GATAD2B: variants seen among roughly 807,000 people sequenced by gnomAD.
GATAD2B encodes transcriptional repressor p66-beta.
A neutral mutation model predicts 64.3 loss-of-function variants in GATAD2B; 8 were observed. That is an observed-to-expected ratio of 0.12 (90% CI 0.07 to 0.22). GATAD2B has a LOEUF of 0.22. Ranked by LOEUF, GATAD2B falls within the 10% of genes least tolerant of loss-of-function variation. The pLI is 1.00. For synonymous variants in GATAD2B, 281 were observed against 271.3 expected, an observed-to-expected ratio of 1.04 and a Z score of -0.35; for missense variants, 453 against 752.0, an observed-to-expected ratio of 0.60 and a Z score of 4.65.
chr1:153,884,774 T>A (rs1677126461), intron 1 of GATAD2B, among the ~76,000 whole-genome samples: 1 of 152,144 alleles, frequency 6.6e-6, no homozygotes, highest in African/African-American at 2.4e-5. Flanking sequence ...TATTTCTTTT[T>A]TTCGAGACAG....
chr1:153,885,820 G>A (rs1352194615), intron 1 of GATAD2B, among the ~76,000 whole-genome samples: 7 of 144,350 alleles, frequency 4.8e-5, no homozygotes, highest in Non-Finnish European at 8.9e-5. Context: ...CCAAGACGGC[G>A]CCACTGCTCT....
At chr1:153,854,413 C>G (rs893819818) in intron 1 of GATAD2B, among the ~76,000 whole-genome samples, 1 of 151,968 alleles carries the variant, frequency 6.6e-6, no homozygotes, top group Non-Finnish European at 1.5e-5. Context: ...AAAAAACAAA[C>G]AAACAAACAA....
intron 1 of GATAD2B, among the ~76,000 whole-genome samples, chr1:153,859,394 G>A (rs1405839940): frequency 4.0e-5 from 6 of 149,972 alleles, no homozygotes; most frequent in African/African-American, 1.5e-4. Flanking sequence ...GCAAGGCGAG[G>A]CGAGGCGGCT....
chr1:153,878,620 T>C (rs1298720199), intron 1 of GATAD2B, among the ~76,000 whole-genome samples: 1 of 152,120 alleles, frequency 6.6e-6, no homozygotes, highest in East Asian at 1.9e-4. Context: ...TCCTCTAGAC[T>C]GCAACCTGAT....
At chr1:153,843,747 T>G (rs1326210573) in intron 1 of GATAD2B, among the ~76,000 whole-genome samples, 1 of 149,480 alleles carries the variant, frequency 6.7e-6, no homozygotes, top group African/African-American at 2.5e-5. Context: ...AATTTCCACT[T>G]CTGGTCAAGA....
Position 153,921,287 on chromosome 1 carries a change from G to A in GATAD2B, c.-2+1446C>T, listed in dbSNP as rs1473450551. ...ATCAAAGTCATCTGTGCTAGGAGGG[G>A]AAGGAGACTAGATGGCTGGAGGACA... On this transcript the variant is annotated intron_variant, in intron 1 of 10. Coordinates refer to ENST00000368655, the MANE Select transcript of GATAD2B (RefSeq NM_020699.4). Among the ~76,000 whole-genome samples the A allele has an allele frequency of 2.6e-5, 4 of 152,334 alleles. No individual in the cohort carries two copies. In the South Asian group the frequency reaches 8.3e-4, roughly 32 times the overall value.
At chr1:153,860,973 G>A (rs1195376561) in intron 1 of GATAD2B, among the ~76,000 whole-genome samples, 1 of 152,100 alleles carries the variant, frequency 6.6e-6, no homozygotes, top group East Asian at 1.9e-4. Context: ...GTATATAACA[G>A]GCACTCAAAA....
chr1:153,827,997 C>T lies in GATAD2B; in HGVS notation c.335+16G>A, dbSNP rs1168394274. On this transcript the variant is annotated intron_variant, in intron 2 of 10. Transcript: ENST00000368655. ...GAGACGACCCTATCCCTGGAGGCAGCTGAACTGAGCCATACCTCCGTCTAG... is the reference window on the plus strand; with the variant it reads ...GAGACGACCCTATCCCTGGAGGCAGTTGAACTGAGCCATACCTCCGTCTAG... 1 of 1,597,090 alleles carries T rather than the reference C, an allele frequency of 6.3e-7. No homozygotes were observed. The highest frequency in any genetic ancestry group is 1.3e-5 in the African/African-American group (1 of 74,708).
chr1:153,827,962 CA>C (rs1227362447), intron 2 of GATAD2B, 50 bp downstream of exon 2: 2 of 1,312,880 alleles, frequency 1.5e-6, no homozygotes, highest in African/African-American at 2.9e-5. Context: ...TCCATTTTCA[CA>C]GGCTTTATGA....
intron 1 of GATAD2B, among the ~76,000 whole-genome samples, chr1:153,920,916 T>C (rs988348638): frequency 3.3e-5 from 5 of 152,154 alleles, no homozygotes; most frequent in Admixed American, 2.0e-4. Flanking sequence ...TATCTGCTTA[T>C]ATGAATCCGA....
chr1:153,892,181 A>AG (rs1438379252), intron 1 of GATAD2B, among the ~76,000 whole-genome samples: 6 of 151,288 alleles, frequency 4.0e-5, no homozygotes, highest in South Asian at 2.1e-4. Context: ...AAAAAAAAAA[A>AG]AAAAGAAAAG....
intron 1 of GATAD2B, among the ~76,000 whole-genome samples, chr1:153,892,680 C>A (rs1301561852): frequency 6.8e-6 from 1 of 146,684 alleles, no homozygotes; most frequent in Non-Finnish European, 1.5e-5. Flanking sequence ...ATCCAGTAGA[C>A]TTGTAAGAAA....
chr1:153,813,120 T>A (rs1284575633), intron 8 of GATAD2B, 130 bp downstream of exon 8: 3 of 696,264 alleles, frequency 4.3e-6, no homozygotes, highest in African/African-American at 1.8e-5. Context: ...TAGGACACAA[T>A]GATAAGGAGA....
At chr1:153,853,770 TTGA>T (rs1334972300) in intron 1 of GATAD2B, among the ~76,000 whole-genome samples, 3 of 152,232 alleles carry the variant, frequency 2.0e-5, no homozygotes, top group Non-Finnish European at 2.9e-5. Flanking sequence ...CCATTTTGGG[TTGA>T]TTTTTGTGTA....
chr1:153,914,203 A>T (rs1278451226), intron 1 of GATAD2B, among the ~76,000 whole-genome samples: 2 of 133,258 alleles, frequency 1.5e-5, no homozygotes, highest in African/African-American at 5.7e-5. Context: ...AGATCATGCC[A>T]TTGCACTCCA....
At chr1:153,860,050 G>C (rs1676228782) in intron 1 of GATAD2B, among the ~76,000 whole-genome samples, 1 of 150,952 alleles carries the variant, frequency 6.6e-6, no homozygotes, top group African/African-American at 2.4e-5. Context: ...CAAGTAGCTG[G>C]GATTACAGGT....
In GATAD2B at chr1:153,890,065, G is replaced by A. The variant is rs1293894365; in HGVS notation, c.-2+32668C>T. On this transcript the variant is annotated intron_variant, in intron 1 of 10. Coordinates refer to ENST00000368655, the MANE Select transcript of GATAD2B (RefSeq NM_020699.4). ...GGCATGCCTGCAATCCCAGCCACTC[G>A]GGAGGCTGAGACAGAAGAATCACTT... 2.6e-5 allele frequency among the ~76,000 whole-genome samples: 4 copies of A among 151,800 alleles called. No individual in the cohort carries two copies. The South Asian group carries it at 6.3e-4, about 24-fold the overall frequency.
At position 153,813,385 on chromosome 1, in the gene GATAD2B, G is replaced by T. The variant is rs766045198; in HGVS notation, c.1284C>A (p.Thr428=). Residue 428 remains threonine, a synonymous_variant, in exon 8 of 11, where the codon ACC becomes ACA. Coordinates refer to ENST00000368655, the MANE Select transcript of GATAD2B (RefSeq NM_020699.4). Reference sequence around the variant, plus strand: ...CATTCTTTTCTTGCTTCCAGTGAGGGGTGAAATCTGTGCGGCACTGGGCAC... The same window carrying T: ...CATTCTTTTCTTGCTTCCAGTGAGGTGTGAAATCTGTGCGGCACTGGGCAC... ...FVCAQCRTDF[T]PHWKQEKNGK... 4 of 1,613,862 alleles carry T rather than the reference G, an allele frequency of 2.5e-6. No individual in the cohort carries two copies. The African/African-American group carries it at 5.3e-5, about 22-fold the overall frequency.
chr1:153,903,131 T>C (rs1677828854), intron 1 of GATAD2B, among the ~76,000 whole-genome samples: 2 of 150,846 alleles, frequency 1.3e-5, no homozygotes, highest in Non-Finnish European at 2.9e-5. Flanking sequence ...GGCAGGAGAA[T>C]GGAGTGAAAC....
Sources: allele counts gnomAD v4.1 joint callset (sites outside exome capture counted in the v4.1 genomes callset), GRCh38; gene constraint gnomAD v4.1.1; transcripts MANE v1.5; gene names NCBI Gene and HGNC (gene_info 2026-07-23, HGNC 2026-07-21).